Variants in MLLT6 observed in about 807,000 individuals in gnomAD.
The protein encoded by MLLT6 is MLLT6, PHD finger containing.
A neutral mutation model predicts 103.0 loss-of-function variants in MLLT6; 22 were observed. The observed-to-expected ratio is 0.21, with a 90% CI of 0.15 to 0.31. The LOEUF (loss-of-function observed/expected upper bound fraction) is 0.31. Among genes scored for constraint, MLLT6 ranks in the 10% least tolerant of loss-of-function variants. The pLI is 1.00. For missense variants in MLLT6, 1,199 were observed against 1,441.7 expected, an observed-to-expected ratio of 0.83 and a Z score of 2.73; for synonymous variants, 606 against 623.5, an observed-to-expected ratio of 0.97 and a Z score of 0.42.
At chr17:38,711,494 G>T (rs1905139231) in intron 6 of MLLT6, among the ~76,000 whole-genome samples, 1 of 152,106 alleles carries the variant, frequency 6.6e-6, no homozygotes, top group Non-Finnish European at 1.5e-5. Context: ...AGGGAAGGAG[G>T]TAGAAACGGG....
At chr17:38,708,223 C>T (rs1428660970) in intron 4 of MLLT6, 1 of 271,294 alleles carries the variant, frequency 3.7e-6, no homozygotes, top group South Asian at 8.2e-5. Context: ...AGGTGTGCTG[C>T]CCGCTCAATG....
At chr17:38,717,006 G>T (rs1468889147) in intron 10 of MLLT6, 25 bp downstream of exon 10, 1 of 1,610,250 alleles carries the variant, frequency 6.2e-7, no homozygotes, top group South Asian at 1.1e-5. Context: ...GGGACAGAGG[G>T]CATTTCAGGG....
rs1268784977 is a variant in MLLT6 at position 38,716,807 on chromosome 17, C to T, written c.1477C>T (p.Pro493Ser). The T allele has an allele frequency of 1.2e-6, 2 of 1,611,790 alleles. No individual in the cohort carries two copies. Among genetic ancestry groups the T allele is most frequent in the Non-Finnish European group, 8.5e-7 (1 of 1,178,972 alleles). ...GSRNKEGTGG[P>S]AAPSLPSAQL... ...CCGGAACAAGGAGGGCACTGGGGGCCCAGCTGCCCCATCCTTGCCCAGTGC... is the reference window on the plus strand; with the variant it reads ...CCGGAACAAGGAGGGCACTGGGGGCTCAGCTGCCCCATCCTTGCCCAGTGC... Residue 493 changes from proline to serine, a missense_variant, in exon 10 of 20, where the codon CCA becomes TCA. By Grantham distance (74) the Pro-to-Ser change is moderately conservative (BLOSUM62 -1). Around this residue, in one of 7 missense-constraint regions of MLLT6, gnomAD observed 1,034 missense variants for 1,091.5 expected, o/e 0.95. Coordinates refer to ENST00000621332, the MANE Select transcript of MLLT6 (RefSeq NM_005937.4). This position sits in a 1 kb window ranked among gnomAD's most constrained non-coding sequence, Gnocchi z 5.6.
Position 38,709,088 on chromosome 17 carries a change from C to G in MLLT6, c.355-85C>G. Reference sequence around the variant, plus strand: ...AGCACTGATCTAAGACTGTAGAGAGCAAATGGAATGGAGGGGGTGGCCTAA... The same window carrying G: ...AGCACTGATCTAAGACTGTAGAGAGGAAATGGAATGGAGGGGGTGGCCTAA... On this transcript the variant is annotated intron_variant, in intron 4 of 19. Transcript: ENST00000621332. This position sits in a 1 kb window ranked among gnomAD's most constrained non-coding sequence, Gnocchi z 4.3. 4 of 970,966 alleles carry G rather than the reference C, an allele frequency of 4.1e-6. No individual in the cohort carries two copies. The highest frequency in any genetic ancestry group is 6.4e-6 in the Non-Finnish European group (4 of 629,178). 60.1% of individuals were successfully genotyped at this position (970,966 alleles called of 1,614,324 possible).
At chr17:38,706,702 A>T (rs1405774290) in intron 1 of MLLT6, 1 of 379,364 alleles carries the variant, frequency 2.6e-6, no homozygotes, top group African/African-American at 2.1e-5. Context: ...TGGGGGGAGG[A>T]TCTTCTAGAA....
At position 38,707,792 on chromosome 17, in the gene MLLT6, A is replaced by G; in HGVS notation, c.274A>G (p.Ile92Val). 1 of 1,613,556 alleles carries G rather than the reference A, an allele frequency of 6.2e-7. No individual in the cohort carries two copies. Among genetic ancestry groups the G allele is most frequent in the Non-Finnish European group, 8.5e-7 (1 of 1,179,632 alleles). ...GGCACACGTGGTGTGTGCCCTCTAC[A>G]TCCCCGAGGTGCAATTTGCCAACGT... The part of the protein sequence containing the change: ...GWAHVVCALY[I>V]PEVQFANVLT... The change falls in exon 4 of 20, where the codon ATC becomes GTC. Residue 92 changes from isoleucine to valine, a missense_variant. Coordinates refer to ENST00000621332, the MANE Select transcript of MLLT6 (RefSeq NM_005937.4).
intron 10 of MLLT6, 117 bp downstream of exon 10, chr17:38,717,098 C>T (rs1597996040): frequency 9.8e-6 from 14 of 1,433,366 alleles, no homozygotes; most frequent in South Asian, 5.2e-5. Flanking sequence ...AGATAGAGCA[C>T]GGAGGAGACA....
At position 38,705,426 on chromosome 17, in the gene MLLT6, G is replaced by T; in HGVS notation, c.-207G>T. The T allele has an allele frequency of 2.5e-6, 1 of 399,278 alleles. No individual in the cohort carries two copies. The highest frequency in any genetic ancestry group is 4.6e-6 in the Non-Finnish European group (1 of 218,670). 24.7% of individuals were successfully genotyped at this position (399,278 alleles called of 1,614,324 possible). A position where few individuals can be genotyped will look rare whatever the true frequency, so the allele number is the denominator to read the frequency against. ...GCATGAGGGCGAGAGCACGGCGGGGGGGGCGGCCAGACAGAGCGAGCGAGG... is the reference window on the plus strand; with the variant it reads ...GCATGAGGGCGAGAGCACGGCGGGGTGGGCGGCCAGACAGAGCGAGCGAGG... On this transcript the variant is annotated 5_prime_UTR_variant, in exon 1 of 20. Coordinates refer to ENST00000621332, the MANE Select transcript of MLLT6 (RefSeq NM_005937.4).
chr17:38,721,329 C>T (rs757619702), intron 16 of MLLT6, among the ~76,000 whole-genome samples: 2 of 152,090 alleles, frequency 1.3e-5, no homozygotes, highest in Admixed American at 6.6e-5. Context: ...CTTTGTCATG[C>T]CCTATGCAAA....
rs562294666 is a variant in MLLT6 at position 38,712,093 on chromosome 17, G to T, written c.720+79G>T. 4.2e-5 allele frequency: 61 copies of T among 1,447,540 alleles called. No homozygotes were observed. The African/African-American group carries it at 7.5e-4, about 18-fold the overall frequency. The allele number at this position is 1,447,540 out of a possible 1,614,324, so 89.7% of individuals were successfully genotyped here. A position where few individuals can be genotyped will look rare whatever the true frequency, so the allele number is the denominator to read the frequency against. ...CAAACATGGCTCAAAAAGCCATCAT[G>T]AGGTGCCCTTAAGGTCTTGGCCCTG... is the stretch of plus-strand genomic sequence containing the variant. On this transcript the variant is annotated intron_variant, in intron 7 of 19. Transcript: ENST00000621332.
In MLLT6 at chr17:38,712,174, G is replaced by C. The variant is rs1053560410; in HGVS notation, c.720+160G>C. Reference sequence around the variant, plus strand: ...CAGGAGGGGGCTGAAATGAAACGGTGGGGGGGTGAGGCGGGAGCTTGGCTT... The same window carrying C: ...CAGGAGGGGGCTGAAATGAAACGGTCGGGGGGTGAGGCGGGAGCTTGGCTT... On this transcript the variant is annotated intron_variant, in intron 7 of 19. Transcript: ENST00000621332. 9.6e-6 allele frequency: 9 copies of C among 934,524 alleles called. No homozygotes were observed. The African/African-American group carries it at 1.4e-4, about 15-fold the overall frequency. 57.9% of individuals were successfully genotyped at this position (934,524 alleles called of 1,614,324 possible).
In MLLT6 at chr17:38,705,596, GC is replaced by G. The variant is rs746421454; in HGVS notation, c.-31del. ...CCTGACCCCCGACCCCCGCCGGCCG[GC>G]CCCCCGCCCCAGCCCCGGAGGGAGC... On this transcript the variant is annotated 5_prime_UTR_variant, in exon 1 of 20. Transcript: ENST00000621332. 3.5e-5 allele frequency: 35 copies of G among 1,007,138 alleles called. No individual in the cohort carries two copies. Among genetic ancestry groups the G allele is most frequent in the Non-Finnish European group, 4.4e-5 (31 of 712,634 alleles). The allele number at this position is 1,007,138 out of a possible 1,614,324, so 62.4% of individuals were successfully genotyped here. A position where few individuals can be genotyped will look rare whatever the true frequency, so the allele number is the denominator to read the frequency against.
chr17:38,708,002 A>G, intron 4 of MLLT6, 130 bp downstream of exon 4: 1 of 659,614 alleles, frequency 1.5e-6, no homozygotes, highest in South Asian at 1.8e-5. Context: ...GTGGGTAGGT[A>G]CCTACCAGTG....
chr17:38,715,954 T>C (rs1905323610), intron 9 of MLLT6, 126 bp downstream of exon 9: 2 of 874,442 alleles, frequency 2.3e-6, no homozygotes, highest in Non-Finnish European at 1.7e-6. Context: ...AGGATAAAGA[T>C]GGGGAATCCC....
Position 38,728,042 on chromosome 17 carries a change from G to A in MLLT6, c.*2444G>A. 4.3e-6 allele frequency: 1 copy of A among 233,218 alleles called. No homozygotes were observed. Among genetic ancestry groups the A allele is most frequent in the Non-Finnish European group, 8.5e-6 (1 of 118,036 alleles). The allele number at this position is 233,218 out of a possible 1,614,324, so 14.4% of individuals were successfully genotyped here. On this transcript the variant is annotated 3_prime_UTR_variant, in exon 20 of 20. Transcript: ENST00000621332. ...TCCCTCAGCCCAAACCAAAGGCTGG[G>A]GTTCTCATCTCCAAGTGGCTGTTCT...
At chr17:38,718,082 A>G in intron 12 of MLLT6, 129 bp downstream of exon 12, 1 of 663,894 alleles carries the variant, frequency 1.5e-6, no homozygotes, top group Middle Eastern at 4.1e-4. Flanking sequence ...CCCTCCCTGC[A>G]AAAACAAACA....
chr17:38,707,817 T>A lies in MLLT6; in HGVS notation c.299T>A (p.Val100Glu). ...LYIPEVQFAN[V>E]LTMEPIVLQY... is the part of the protein sequence containing the mutation. ...ATCCCCGAGGTGCAATTTGCCAACG[T>A]GCTCACCATGGAGCCCATCGTGCTG... The change falls in exon 4 of 20, where the codon GTG becomes GAG. Residue 100 changes from valine (V) to glutamate (E), a missense_variant. Physicochemically the swap from Val to Glu is moderately radical, Grantham distance 121. Transcript: ENST00000621332. 6.2e-7 allele frequency: 1 copy of A among 1,613,988 alleles called. No homozygotes were observed. Among genetic ancestry groups the A allele is most frequent in the Non-Finnish European group, 8.5e-7 (1 of 1,179,950 alleles).
chr17:38,720,476 A>G lies in MLLT6; in HGVS notation c.2260A>G (p.Asn754Asp). Residue 754 changes from asparagine to aspartate, a missense_variant, in exon 15 of 20, where the codon AAC becomes GAC. Physicochemically the swap from Asn to Asp is conservative, Grantham distance 23. Around this residue, in one of 7 missense-constraint regions of MLLT6, gnomAD observed 1,034 missense variants for 1,091.5 expected, o/e 0.95. Coordinates refer to ENST00000621332, the MANE Select transcript of MLLT6 (RefSeq NM_005937.4). ...CAAAAAGGAGCGGCTGCAGATTCTCAACGTGCAGCTCTCTGTGCCCTTCCC... is the reference window on the plus strand; with the variant it reads ...CAAAAAGGAGCGGCTGCAGATTCTCGACGTGCAGCTCTCTGTGCCCTTCCC... ...TAKKERLQIL[N>D]VQLSVPFPAL... The G allele has an allele frequency of 1.2e-6, 2 of 1,612,820 alleles. No homozygotes were observed. The highest frequency in any genetic ancestry group is 1.7e-6 in the Non-Finnish European group (2 of 1,179,846).
At chr17:38,720,168 C>T in intron 14 of MLLT6, 1 of 696,120 alleles carries the variant, frequency 1.4e-6, no homozygotes, top group Non-Finnish European at 2.4e-6. Flanking sequence ...GGCCTCGACC[C>T]CAGCCTCAGG....
Sources: allele counts gnomAD v4.1 joint callset (sites outside exome capture counted in the v4.1 genomes callset), GRCh38; gene constraint gnomAD v4.1.1; regional missense constraint gnomAD v4.1.1; non-coding constraint Gnocchi (gnomAD v3.1); transcripts MANE v1.5; gene names NCBI Gene and HGNC (gene_info 2026-07-23, HGNC 2026-07-21).